Variants in FMN2 observed in about 807,000 individuals in gnomAD.
FMN2 encodes formin-2.
In FMN2, 51 loss-of-function variants were observed where a neutral mutation model predicts 142.3. The ratio of observed to expected loss-of-function variants is 0.36; its 90% CI spans 0.29 to 0.45. The LOEUF is 0.45. Among genes scored for constraint, FMN2 ranks in the 20% least tolerant of loss-of-function variants. FMN2 has a pLI of 1.00. For missense variants in FMN2, 1,936 were observed against 2,122.8 expected (o/e 0.91, Z 1.73); for synonymous variants, 882 against 869.8 (o/e 1.01, Z -0.25).
chr1:240,317,140 A>G lies in FMN2; in HGVS notation c.4216-11936A>G, dbSNP rs148090830. Among the ~76,000 whole-genome samples the G allele has an allele frequency of 7.5e-3, 1,137 of 152,202 alleles. 7 individuals carry two copies. The highest frequency in any genetic ancestry group is 0.01 in the Non-Finnish European group (684 of 68,012). ...GAGACCATCCTGGCCAACATGGTGAAACCCTGTCTCTACTAAAAGTAAAAA... is the reference window on the plus strand; with the variant it reads ...GAGACCATCCTGGCCAACATGGTGAGACCCTGTCTCTACTAAAAGTAAAAA... On this transcript the variant is annotated intron_variant, in intron 8 of 17. Transcript: ENST00000319653.
intron 2 of FMN2, among the ~76,000 whole-genome samples, chr1:240,124,116 C>A (rs1175087145): frequency 6.6e-6 from 1 of 152,154 alleles, no homozygotes; most frequent in Non-Finnish European, 1.5e-5. Context: ...TGTAATGCTG[C>A]TATGAATATG....
At chr1:240,173,604 G>T (rs191483906) in intron 2 of FMN2, among the ~76,000 whole-genome samples, 127 of 152,300 alleles carry the variant, frequency 8.3e-4, no homozygotes, top group Non-Finnish European at 1.4e-3. Context: ...ATGAATCTGG[G>T]AAGGAAGATG....
At chr1:240,296,163 G>A (rs1175376708) in intron 8 of FMN2, among the ~76,000 whole-genome samples, 1 of 151,008 alleles carries the variant, frequency 6.6e-6, no homozygotes, top group African/African-American at 2.4e-5. Context: ...TTCACTAGGT[G>A]GCAGGACATT....
intron 13 of FMN2, among the ~76,000 whole-genome samples, chr1:240,349,955 T>C (rs1458219084): frequency 1.7e-5 from 1 of 58,496 alleles, no homozygotes; most frequent in Non-Finnish European, 3.0e-5. Context: ...GTGTTCGGTA[T>C]TTTTTTTTTT....
At chr1:240,153,195 A>G (rs772040918) in intron 2 of FMN2, among the ~76,000 whole-genome samples, 2 of 152,036 alleles carry the variant, frequency 1.3e-5, no homozygotes, top group Non-Finnish European at 2.9e-5. Context: ...AGTGATATTT[A>G]CAACGTGGGC....
At chr1:240,195,540 A>G (rs1245389288) in intron 4 of FMN2, among the ~76,000 whole-genome samples, 2 of 152,234 alleles carry the variant, frequency 1.3e-5, no homozygotes, top group African/African-American at 4.8e-5. Context: ...GTCTTTCAGC[A>G]GGAACACACA....
At chr1:240,170,374 G>C in intron 2 of FMN2, 1 of 1,190,246 alleles carries the variant, frequency 8.4e-7, no homozygotes, top group Non-Finnish European at 1.3e-6. Flanking sequence ...GGGACATGAA[G>C]GTGCTGGAAT....
intron 14 of FMN2, among the ~76,000 whole-genome samples, chr1:240,389,549 A>T (rs1673535311): frequency 1.3e-5 from 2 of 152,136 alleles, no homozygotes; most frequent in South Asian, 2.1e-4. Flanking sequence ...ATGATATCTT[A>T]ATTTTCACCG....
At chr1:240,115,967 G>T (rs566927813) in intron 1 of FMN2, among the ~76,000 whole-genome samples, 10 of 152,272 alleles carry the variant, frequency 6.6e-5, no homozygotes, top group African/African-American at 2.4e-4. Flanking sequence ...CCCCCTTAAA[G>T]AACATACAGG....
At chr1:240,200,104 G>A (rs967879514) in intron 4 of FMN2, among the ~76,000 whole-genome samples, 1 of 152,094 alleles carries the variant, frequency 6.6e-6, no homozygotes, top group Non-Finnish European at 1.5e-5. Context: ...AGTTCCAGGC[G>A]CTGGACACAG....
At chr1:240,402,889 T>C (rs974854893) in intron 15 of FMN2, among the ~76,000 whole-genome samples, 2 of 152,238 alleles carry the variant, frequency 1.3e-5, no homozygotes, top group Non-Finnish European at 2.9e-5. Flanking sequence ...AAATTTTTCT[T>C]CAGACTTTTT....
intron 8 of FMN2, among the ~76,000 whole-genome samples, chr1:240,319,828 T>G (rs960431162): frequency 1.1e-4 from 16 of 152,144 alleles, no homozygotes; most frequent in Non-Finnish European, 8.8e-5. Context: ...GCACCATTCA[T>G]AAACTCAGCA....
chr1:240,302,401 C>T (rs1349151775), intron 8 of FMN2, among the ~76,000 whole-genome samples: 1 of 151,238 alleles, frequency 6.6e-6, no homozygotes, highest in African/African-American at 2.4e-5. Flanking sequence ...AGGGACAAGT[C>T]CAAAGAAAAA....
chr1:240,298,114 G>A (rs1670053033), intron 8 of FMN2, among the ~76,000 whole-genome samples: 1 of 152,142 alleles, frequency 6.6e-6, no homozygotes, highest in African/African-American at 2.4e-5. Context: ...TATACTAGCT[G>A]GCACTGGTTA....
At chr1:240,365,373 A>G (rs1672636342) in intron 14 of FMN2, among the ~76,000 whole-genome samples, 1 of 152,014 alleles carries the variant, frequency 6.6e-6, no homozygotes, top group Non-Finnish European at 1.5e-5. Context: ...TACATGCTCT[A>G]TATGTCTTTC....
At chr1:240,258,633 A>C (rs1027050015) in intron 7 of FMN2, among the ~76,000 whole-genome samples, 2 of 152,130 alleles carry the variant, frequency 1.3e-5, no homozygotes, top group African/African-American at 2.4e-5. Context: ...TTCTGTTTGG[A>C]ATTAGAGTGG....
At chr1:240,401,823 G>A (rs1265886171) in intron 15 of FMN2, among the ~76,000 whole-genome samples, 5 of 152,192 alleles carry the variant, frequency 3.3e-5, no homozygotes, top group Admixed American at 1.3e-4. Flanking sequence ...TGGTGGACAG[G>A]ACGCTGACAT....
At chr1:240,165,433 C>T (rs920453933) in intron 2 of FMN2, among the ~76,000 whole-genome samples, 1 of 152,054 alleles carries the variant, frequency 6.6e-6, no homozygotes, top group Non-Finnish European at 1.5e-5. Context: ...AACTCGACCT[C>T]CCAAAAGTGT....
At chr1:240,148,623 C>T (rs1034599454) in intron 2 of FMN2, among the ~76,000 whole-genome samples, 1 of 152,168 alleles carries the variant, frequency 6.6e-6, no homozygotes, top group Admixed American at 6.5e-5. Flanking sequence ...TTAATTTTCT[C>T]TATTTGAAAA....
Sources: allele counts gnomAD v4.1 joint callset (sites outside exome capture counted in the v4.1 genomes callset), GRCh38; gene constraint gnomAD v4.1.1; transcripts MANE v1.5; gene names NCBI Gene and HGNC (gene_info 2026-07-23, HGNC 2026-07-21).